Variants in ABLIM1 observed in about 807,000 individuals in gnomAD.
The protein encoded by ABLIM1 is actin binding LIM protein 1.
ABLIM1 carries 40 observed loss-of-function variants against 107.0 expected under a neutral mutation model. The ratio of observed to expected loss-of-function variants is 0.37; its 90% CI spans 0.29 to 0.49. ABLIM1 has a LOEUF of 0.49. Among genes scored for constraint, ABLIM1 ranks in the 20% least tolerant of loss-of-function variants. The pLI, the probability that ABLIM1 is intolerant of heterozygous loss-of-function variation, is 0.97. For synonymous variants in ABLIM1, 357 were observed against 357.3 expected (o/e 1.00, Z 0.01); for missense variants, 857 against 1,008.5 (o/e 0.85, Z 2.04).
intron 1 of ABLIM1, among the ~76,000 whole-genome samples, chr10:114,673,012 C>G (rs1035173992): frequency 6.6e-6 from 1 of 152,090 alleles, no homozygotes; most frequent in African/African-American, 2.4e-5. Flanking sequence ...AATTCCAGCA[C>G]TTTGGGAGGC....
chr10:114,487,111 G>C lies in ABLIM1; in HGVS notation c.1041+847C>G, dbSNP rs576434389. 3.0e-3 allele frequency among the ~76,000 whole-genome samples: 454 copies of C among 152,278 alleles called. 3 individuals are homozygous for C. Among genetic ancestry groups the C allele is most frequent in the African/African-American group, 0.011 (437 of 41,550 alleles). The stretch of plus-strand genomic sequence containing the variant: ...ACTGGTCGTGCTGCTGCTGGGGATT[G>C]CATACATAGCTTCTGATGCCTGGTA... On this transcript the variant is annotated intron_variant, in intron 8 of 22. Transcript: ENST00000533213.
chr10:114,556,851 T>A (rs1337170712), intron 4 of ABLIM1, among the ~76,000 whole-genome samples: 1 of 152,202 alleles, frequency 6.6e-6, no homozygotes, highest in Admixed American at 6.5e-5. Context: ...ACAATTTTCT[T>A]TTTTAGCATG....
In ABLIM1 at chr10:114,542,142, C is replaced by T. The variant is rs1334539771; in HGVS notation, c.894+2863G>A. Among the ~76,000 whole-genome samples the T allele has an allele frequency of 2.0e-5, 3 of 152,270 alleles. No homozygotes were observed. In the East Asian group the frequency reaches 5.8e-4, roughly 29 times the overall value. On this transcript the variant is annotated intron_variant, in intron 6 of 22. Coordinates refer to ENST00000533213, the MANE Select transcript of ABLIM1 (RefSeq NM_002313.7). The stretch of plus-strand genomic sequence containing the variant: ...TTTTTATGAGGGCCAGGCTTGGTTG[C>T]TCATGCCTGTAATCTCAGCACTTTG...
rs1216720760 is a variant in ABLIM1, at chr10:114,468,204, A to C, written c.1288T>G (p.Leu430Val). Residue 430 changes from leucine (L) to valine (V), a missense_variant, in exon 11 of 23, where the codon TTG becomes GTG. Around this residue, in one of 5 missense-constraint regions of ABLIM1, gnomAD observed 381 missense variants for 506.9 expected, o/e 0.75. Coordinates refer to ENST00000533213, the MANE Select transcript of ABLIM1 (RefSeq NM_002313.7). ...RQSLGESPRT[L>V]SPTPSAEGYQ... ...ACTTCTGCTGATGGAGTAGGAGACA[A>C]AGTCCTCGGAGACTAGAAAAATAAA... 6.2e-7 allele frequency: 1 copy of C among 1,612,868 alleles called. No homozygotes were observed. The highest frequency in any genetic ancestry group is 8.5e-7 in the Non-Finnish European group (1 of 1,178,800).
At chr10:114,590,863 T>G (rs2074795168) in intron 2 of ABLIM1, among the ~76,000 whole-genome samples, 1 of 152,144 alleles carries the variant, frequency 6.6e-6, no homozygotes, top group Non-Finnish European at 1.5e-5. Flanking sequence ...AATTTTAAGG[T>G]GCTTATTTCA....
intron 1 of ABLIM1, among the ~76,000 whole-genome samples, chr10:114,721,377 A>C (rs2081842928): frequency 2.0e-5 from 3 of 152,296 alleles, no homozygotes; most frequent in South Asian, 4.1e-4. Context: ...TGTATGTCTA[A>C]GGAGGTGCCC....
the ABLIM1 span, among the ~76,000 whole-genome samples, chr10:114,783,955 C>T: frequency 1.3e-5 from 2 of 151,918 alleles, no homozygotes; most frequent in Non-Finnish European, 2.9e-5. Flanking sequence ...CTGTTAGTGA[C>T]CTTCATGAGA....
At chr10:114,483,331 C>A (rs1029924931) in intron 8 of ABLIM1, among the ~76,000 whole-genome samples, 2 of 152,044 alleles carry the variant, frequency 1.3e-5, no homozygotes, top group African/African-American at 4.8e-5. Flanking sequence ...AGTGCAGTGG[C>A]ATGATCTTGG....
At chr10:114,711,634 T>C (rs956869437) in intron 1 of ABLIM1, among the ~76,000 whole-genome samples, 5 of 152,156 alleles carry the variant, frequency 3.3e-5, no homozygotes, top group African/African-American at 9.7e-5. Flanking sequence ...ACAAGGGGCA[T>C]GCACTACCCT....
At chr10:114,720,453 T>C (rs185874769) in intron 1 of ABLIM1, among the ~76,000 whole-genome samples, 2 of 152,334 alleles carry the variant, frequency 1.3e-5, no homozygotes, top group South Asian at 2.1e-4. Context: ...CACCACACTG[T>C]CTTCCACAAT....
At chr10:114,467,529 A>G (rs1434909880) in intron 11 of ABLIM1, among the ~76,000 whole-genome samples, 1 of 152,230 alleles carries the variant, frequency 6.6e-6, no homozygotes, top group Non-Finnish European at 1.5e-5. Flanking sequence ...ACAACAAAAC[A>G]AAAAGTCCCC....
chr10:114,512,269 T>C (rs2061992163), intron 6 of ABLIM1, among the ~76,000 whole-genome samples: 1 of 152,256 alleles, frequency 6.6e-6, no homozygotes, highest in Non-Finnish European at 1.5e-5. Flanking sequence ...CAATGCAATG[T>C]GCACTCACGG....
rs75504649 is a variant in ABLIM1 at position 114,463,250 on chromosome 10, G to A, written c.1441+2448C>T. 168 of 1,170,818 alleles carry A rather than the reference G, an allele frequency of 1.4e-4. 1 individual carries two copies. In the East Asian group the frequency reaches 7.8e-3, roughly 55 times the overall value. The allele number at this position is 1,170,818 out of a possible 1,614,324, so 72.5% of individuals were successfully genotyped here. On this transcript the variant is annotated intron_variant, in intron 12 of 22. Transcript: ENST00000533213. ...ACACAGGAGCAGGGAAAGTGCCATC[G>A]TTCCAAGGGAAAACAAAATAAAGAA...
At chr10:114,489,296 C>A (rs183336455) in intron 7 of ABLIM1, among the ~76,000 whole-genome samples, 1 of 152,154 alleles carries the variant, frequency 6.6e-6, no homozygotes, top group Non-Finnish European at 1.5e-5. Context: ...AGATTACAGG[C>A]GTGAGCCACC....
intron 6 of ABLIM1, among the ~76,000 whole-genome samples, chr10:114,528,778 A>G (rs1373368900): frequency 6.6e-6 from 1 of 152,246 alleles, no homozygotes; most frequent in Admixed American, 6.5e-5. Flanking sequence ...CATGAGATGT[A>G]CTGTCTTCAA....
At chr10:114,651,651 C>T (rs1349617849) in intron 1 of ABLIM1, among the ~76,000 whole-genome samples, 1 of 151,998 alleles carries the variant, frequency 6.6e-6, no homozygotes, top group Non-Finnish European at 1.5e-5. Flanking sequence ...AATGAGAAGC[C>T]TAGGGAATTG....
chr10:114,772,832 T>G (rs2083040787), upstream of ABLIM1, among the ~76,000 whole-genome samples: 2 of 151,708 alleles, frequency 1.3e-5, no homozygotes, highest in African/African-American at 4.8e-5. Flanking sequence ...AACAAAAAAA[T>G]AACAAAAGAT....
In ABLIM1 at chr10:114,458,100, G is replaced by A. The variant is rs187098482; in HGVS notation, c.1442-4617C>T. 4.1e-3 allele frequency among the ~76,000 whole-genome samples: 611 copies of A among 150,464 alleles called. 1 individual carries two copies. The highest frequency in any genetic ancestry group is 7.4e-3 in the Non-Finnish European group (502 of 67,774). ...AACAAAAAACAAAACTACTCTGTGT[G>A]TGTGTGTGTGTGTGTGCGCACATAA... On this transcript the variant is annotated intron_variant, in intron 12 of 22. Coordinates refer to ENST00000533213, the MANE Select transcript of ABLIM1 (RefSeq NM_002313.7).
chr10:114,464,417 C>T (rs997449165), intron 12 of ABLIM1, among the ~76,000 whole-genome samples: 6 of 152,176 alleles, frequency 3.9e-5, no homozygotes, highest in South Asian at 2.1e-4. Flanking sequence ...AACTCTTGAC[C>T]TCAGGTGATC....
Sources: allele counts gnomAD v4.1 joint callset (sites outside exome capture counted in the v4.1 genomes callset), GRCh38; gene constraint gnomAD v4.1.1; regional missense constraint gnomAD v4.1.1; transcripts MANE v1.5; gene names NCBI Gene and HGNC (gene_info 2026-07-23, HGNC 2026-07-21).